DRICH1: variants seen among roughly 807,000 people sequenced by gnomAD.
DRICH1 encodes aspartate-rich protein 1.
A neutral mutation model predicts 39.5 loss-of-function variants in DRICH1; 38 were observed. The observed-to-expected ratio is 0.96, with a 90% CI of 0.74 to 1.26. DRICH1 has a LOEUF of 1.26. Ranked by LOEUF, DRICH1 falls within the 50% of genes most tolerant of loss-of-function variation. The pLI, the probability that DRICH1 is intolerant of heterozygous loss-of-function variation, is 0.00. For synonymous variants in DRICH1, 84 were observed against 99.5 expected, an observed-to-expected ratio of 0.84 and a Z score of 0.93; for missense variants, 279 against 270.4, an observed-to-expected ratio of 1.03 and a Z score of -0.22.
In DRICH1 at chr22:23,608,681, C is replaced by T. The variant is rs1312736498; in HGVS notation, c.*83G>A. 10 of 1,394,142 alleles carry T rather than the reference C, an allele frequency of 7.2e-6. No homozygotes were observed. The highest frequency in any genetic ancestry group is 3.9e-5 in the Admixed American group (2 of 50,754). The allele number at this position is 1,394,142 out of a possible 1,614,324, so 86.4% of individuals were successfully genotyped here. ...CTCAGAATGTAGAGAGGATTGAGACCTCCAGGGGCAAAGCTGGGGACCCTG... is the reference window on the plus strand; with the variant it reads ...CTCAGAATGTAGAGAGGATTGAGACTTCCAGGGGCAAAGCTGGGGACCCTG... On this transcript the variant is annotated 3_prime_UTR_variant, in exon 12 of 12. Transcript: ENST00000317749.
At chr22:23,626,135 G>T in intron 1 of DRICH1, 87 bp from the exon 2 acceptor site, 1 of 874,808 alleles carries the variant, frequency 1.1e-6, no homozygotes, top group Non-Finnish European at 1.9e-6. Context: ...GGCACATGGA[G>T]CGTGGGACTG....
the DRICH1 span, among the ~76,000 whole-genome samples, chr22:23,592,875 C>A: frequency 6.5e-4 from 89 of 137,740 alleles, 1 homozygote; most frequent in East Asian, 0.01. Context: ...CACACACACA[C>A]ACACAAAATT....
intron 3 of DRICH1, 61 bp from the exon 4 acceptor site, chr22:23,622,237 G>A: frequency 5.4e-6 from 8 of 1,474,442 alleles, no homozygotes; most frequent in Non-Finnish European, 7.6e-6. Context: ...GTCACTCAGG[G>A]AGCTTTGCTG....
the DRICH1 span, chr22:23,581,140 T>C: frequency 6.6e-6 from 1 of 152,244 alleles, no homozygotes; most frequent in Non-Finnish European, 1.5e-5. Flanking sequence ...TTTTCCAGTA[T>C]ACAATACAGT....
At chr22:23,630,234 T>C (rs1355374596) in intron 1 of DRICH1, among the ~76,000 whole-genome samples, 1 of 152,196 alleles carries the variant, frequency 6.6e-6, no homozygotes, top group Non-Finnish European at 1.5e-5. Flanking sequence ...TTATAGGCCA[T>C]CCACTACCAC....
intron 2 of DRICH1, among the ~76,000 whole-genome samples, chr22:23,625,611 C>G (rs1056098948): frequency 6.6e-6 from 1 of 152,130 alleles, no homozygotes; most frequent in Non-Finnish European, 1.5e-5. Flanking sequence ...AAGTCAAATA[C>G]TTGAAGAGAC....
chr22:23,619,297 A>G (rs1033575516), intron 6 of DRICH1, 67 bp downstream of exon 6: 5 of 771,880 alleles, frequency 6.5e-6, no homozygotes, highest in African/African-American at 5.1e-5. Flanking sequence ...AAGGCTTCCC[A>G]TATTCATGGA....
intron 3 of DRICH1, among the ~76,000 whole-genome samples, chr22:23,622,952 A>G (rs1204948496): frequency 6.6e-6 from 1 of 152,258 alleles, no homozygotes; most frequent in African/African-American, 2.4e-5. Flanking sequence ...TTCCAGGTTC[A>G]AATATACATG....
the DRICH1 span, among the ~76,000 whole-genome samples, chr22:23,599,197 A>G: frequency 6.6e-6 from 1 of 152,154 alleles, no homozygotes; most frequent in Non-Finnish European, 1.5e-5. Flanking sequence ...CTTTATTCTC[A>G]GCCTTGTTCC....
chr22:23,599,831 T>G, the DRICH1 span, among the ~76,000 whole-genome samples: 1 of 152,170 alleles, frequency 6.6e-6, no homozygotes, highest in Non-Finnish European at 1.5e-5. Context: ...ATCTGCAGCC[T>G]GAGCTCTGTA....
downstream of DRICH1, among the ~76,000 whole-genome samples, chr22:23,603,556 G>A (rs1232037107): frequency 4.6e-5 from 7 of 152,150 alleles, no homozygotes; most frequent in South Asian, 4.1e-4. Flanking sequence ...CAAGGACCCT[G>A]TGGTCTGTCA....
At chr22:23,591,959 TGCTTCCCATGTTACAGTA>T in the DRICH1 span, among the ~76,000 whole-genome samples, 1 of 152,166 alleles carries the variant, frequency 6.6e-6, no homozygotes, top group African/African-American at 2.4e-5. Flanking sequence ...GCAGGCCCTC[TGCTTCCCATGTTACAGTA>T]GCTAACATGG....
At chr22:23,612,973 C>G (rs1020481571) in intron 11 of DRICH1, among the ~76,000 whole-genome samples, 42 of 152,148 alleles carry the variant, frequency 2.8e-4, no homozygotes, top group Non-Finnish European at 1.8e-4. Flanking sequence ...GTGCTTAGGC[C>G]TATACCCCTT....
rs3788361 is a variant in DRICH1 at position 23,632,174 on chromosome 22, C to T, written c.-151G>A. 342,362 of 1,277,684 alleles carry T rather than the reference C, an allele frequency of 0.27. 47,005 individuals carry two copies. Among genetic ancestry groups the T allele is most frequent in the East Asian group, 0.34 (13,374 of 39,242 alleles). The allele number at this position is 1,277,684 out of a possible 1,614,324, so 79.1% of individuals were successfully genotyped here. The stretch of plus-strand genomic sequence containing the variant: ...TGGGTCCTCAGCCCTTATTCTGCCG[C>T]CACCTCCCAAACTAGCTGGTCTATG... On this transcript the variant is annotated 5_prime_UTR_variant, in exon 1 of 12. Transcript: ENST00000317749.
chr22:23,613,241 C>T lies in DRICH1; in HGVS notation c.685+48G>A, dbSNP rs750957682. 7.5e-6 allele frequency: 11 copies of T among 1,466,926 alleles called. No individual in the cohort carries two copies. In the Middle Eastern group the frequency reaches 7.0e-4, roughly 94 times the overall value. The allele number at this position is 1,466,926 out of a possible 1,614,324, so 90.9% of individuals were successfully genotyped here. ...AAGCAACAGGGATAACCTGGAGGCTCCTGGGAACCTTTTCCCATTGGGTTT... is the reference window on the plus strand; with the variant it reads ...AAGCAACAGGGATAACCTGGAGGCTTCTGGGAACCTTTTCCCATTGGGTTT... On this transcript the variant is annotated intron_variant, in intron 11 of 11. Transcript: ENST00000317749.
chr22:23,580,883 G>A, the DRICH1 span: 1 of 152,430 alleles, frequency 6.6e-6, no homozygotes, highest in East Asian at 1.9e-4. Flanking sequence ...CATGAGATAA[G>A]AATGAAAATG....
At chr22:23,583,428 T>G in the DRICH1 span, 1 of 152,218 alleles carries the variant, frequency 6.6e-6, no homozygotes, top group Non-Finnish European at 1.5e-5. Context: ...ATCCTGGAGC[T>G]GGGCCATCTC....
In DRICH1 at chr22:23,621,252, G is replaced by A. The variant is rs533099100; in HGVS notation, c.385-637C>T. ...CTTAATTGCCCTCACTTCAACCAAA[G>A]AAGTTTAGTCTAAGTTGAAAGTTTA... On this transcript the variant is annotated intron_variant, in intron 4 of 11. Coordinates refer to ENST00000317749, the MANE Select transcript of DRICH1 (RefSeq NM_016449.4). 2.2e-3 allele frequency among the ~76,000 whole-genome samples: 329 copies of A among 150,870 alleles called. 1 individual carries two copies. The highest frequency in any genetic ancestry group is 7.5e-3 in the African/African-American group (309 of 41,360).
At chr22:23,612,773 G>C (rs919070299) in intron 11 of DRICH1, among the ~76,000 whole-genome samples, 1 of 152,146 alleles carries the variant, frequency 6.6e-6, no homozygotes, top group Non-Finnish European at 1.5e-5. Flanking sequence ...TCCACTCCGG[G>C]AGATCCCTTT....
Sources: allele counts gnomAD v4.1 joint callset (sites outside exome capture counted in the v4.1 genomes callset), GRCh38; gene constraint gnomAD v4.1.1; transcripts MANE v1.5; gene names NCBI Gene and HGNC (gene_info 2026-07-23, HGNC 2026-07-21).